Variants in HS6ST3 observed in about 807,000 individuals in gnomAD.
HS6ST3 encodes heparan sulfate 6-O-sulfotransferase 3.
A neutral mutation model predicts 36.7 loss-of-function variants in HS6ST3; 12 were observed. The observed-to-expected ratio is 0.33, with a 90% CI of 0.21 to 0.53. The LOEUF is 0.53. Among genes scored for constraint, HS6ST3 ranks in the 20% least tolerant of loss-of-function variants. The pLI, the probability that HS6ST3 is intolerant of heterozygous loss-of-function variation, is 0.95. For synonymous variants in HS6ST3, 240 were observed against 257.5 expected, an observed-to-expected ratio of 0.93 and a Z score of 0.65; for missense variants, 584 against 640.9, an observed-to-expected ratio of 0.91 and a Z score of 0.96.
chr13:96,508,180 G>A (rs1400697361), intron 1 of HS6ST3, among the ~76,000 whole-genome samples: 1 of 151,914 alleles, frequency 6.6e-6, no homozygotes, highest in Non-Finnish European at 1.5e-5. Context: ...AAATTTCGCA[G>A]GGTAATATTA....
chr13:96,639,267 A>G (rs1197881977), intron 1 of HS6ST3, among the ~76,000 whole-genome samples: 1 of 152,016 alleles, frequency 6.6e-6, no homozygotes, highest in African/African-American at 2.4e-5. Flanking sequence ...GGACACTTTT[A>G]TCAGTATAAA....
chr13:96,832,946 G>T lies in HS6ST3; in HGVS notation c.1164G>T (p.Glu388Asp), dbSNP rs1878839286. The change falls in exon 2 of 2, where the codon GAG (glutamate) becomes GAT (aspartate). Residue 388 changes from glutamate (E) to aspartate (D), a missense_variant. Physicochemically the swap from Glu to Asp is conservative, Grantham distance 45. This residue lies in a region of HS6ST3 where 360 missense variants were observed against 411.3 expected (regional missense o/e 0.88). Transcript: ENST00000376705. Reference sequence around the variant, plus strand: ...ACATCACGCGGGCTTCTAACGTGGAGATCAACGAGGGTGCCCGCCAACGCA... The same window carrying T: ...ACATCACGCGGGCTTCTAACGTGGATATCAACGAGGGTGCCCGCCAACGCA... Reference protein sequence around the residue: ...QFNITRASNVEINEGARQRIE... With the variant: ...QFNITRASNVDINEGARQRIE... 6 of 1,614,174 alleles carry T rather than the reference G, an allele frequency of 3.7e-6. No individual in the cohort carries two copies. Among genetic ancestry groups the T allele is most frequent in the Non-Finnish European group, 5.1e-6 (6 of 1,180,034 alleles).
intron 1 of HS6ST3, among the ~76,000 whole-genome samples, chr13:96,829,239 C>T (rs941518326): frequency 2.0e-5 from 3 of 152,042 alleles, no homozygotes; most frequent in Non-Finnish European, 4.4e-5. Flanking sequence ...ATAACATCAA[C>T]CTTTAAGAAG....
chr13:96,520,269 A>T (rs2138926400), intron 1 of HS6ST3, among the ~76,000 whole-genome samples: 1 of 152,316 alleles, frequency 6.6e-6, no homozygotes, highest in Middle Eastern at 3.4e-3. Context: ...CTTGTAGTAT[A>T]GTTAGAAGTC....
At chr13:96,153,665 C>G (rs776425300) in intron 1 of HS6ST3, among the ~76,000 whole-genome samples, 1 of 152,128 alleles carries the variant, frequency 6.6e-6, no homozygotes, top group Non-Finnish European at 1.5e-5. Flanking sequence ...TTTATATTAT[C>G]TACCTAAATG....
intron 1 of HS6ST3, among the ~76,000 whole-genome samples, chr13:96,527,883 G>C (rs1162860236): frequency 1.3e-5 from 2 of 152,056 alleles, no homozygotes; most frequent in Admixed American, 1.3e-4. Context: ...GTGTCTTCAG[G>C]GTCAAAGCTA....
intron 1 of HS6ST3, among the ~76,000 whole-genome samples, chr13:96,706,928 A>T (rs1303604493): frequency 6.6e-6 from 1 of 152,198 alleles, no homozygotes; most frequent in Admixed American, 6.5e-5. Flanking sequence ...CTGACTTTGC[A>T]TTAGAATAAT....
intron 1 of HS6ST3, among the ~76,000 whole-genome samples, chr13:96,158,981 G>GGAAGA (rs1211639246): frequency 6.6e-6 from 1 of 152,304 alleles, no homozygotes; most frequent in Non-Finnish European, 1.5e-5. Flanking sequence ...CTTTCGGCAG[G>GGAAGA]GAAGAGAAGA....
chr13:96,646,413 T>A (rs2056588757), intron 1 of HS6ST3, among the ~76,000 whole-genome samples: 1 of 152,044 alleles, frequency 6.6e-6, no homozygotes, highest in South Asian at 2.1e-4. Flanking sequence ...TGAATGTGAA[T>A]CATTCTTTCT....
chr13:96,746,637 T>A (rs1419444808), intron 1 of HS6ST3, among the ~76,000 whole-genome samples: 1 of 152,096 alleles, frequency 6.6e-6, no homozygotes, highest in Non-Finnish European at 1.5e-5. Context: ...TAATTATAAA[T>A]GTTTGAGTCA....
At chr13:96,272,792 G>A (rs1395613824) in intron 1 of HS6ST3, among the ~76,000 whole-genome samples, 3 of 151,826 alleles carry the variant, frequency 2.0e-5, no homozygotes, top group Non-Finnish European at 2.9e-5. Flanking sequence ...CCAGGTGAGT[G>A]AACCATACCT....
Position 96,350,326 on chromosome 13 carries a change from C to T in HS6ST3, c.707+258757C>T, listed in dbSNP as rs529249894. On this transcript the variant is annotated intron_variant, in intron 1 of 1. Coordinates refer to ENST00000376705, the MANE Select transcript of HS6ST3 (RefSeq NM_153456.4). ...CAGAAATAGCCAGCTTACATGTTAT[C>T]GTCATGGTCTGTACTCTTGCAAATC... Among the ~76,000 whole-genome samples, 21 of 152,304 alleles carry T rather than the reference C, an allele frequency of 1.4e-4. No homozygotes were observed. The South Asian group carries it at 3.7e-3, about 27-fold the overall frequency.
At chr13:96,109,637 G>A (rs765134559) in intron 1 of HS6ST3, among the ~76,000 whole-genome samples, 1 of 152,128 alleles carries the variant, frequency 6.6e-6, no homozygotes, top group Non-Finnish European at 1.5e-5. Context: ...AAAATAAGTT[G>A]CACTGGTGTT....
intron 1 of HS6ST3, among the ~76,000 whole-genome samples, chr13:96,383,514 A>G (rs1208119836): frequency 6.6e-6 from 1 of 152,194 alleles, no homozygotes; most frequent in East Asian, 1.9e-4. Flanking sequence ...ATGAGAATCT[A>G]TCCTGAGGGA....
chr13:96,820,823 G>A (rs780346218), intron 1 of HS6ST3, among the ~76,000 whole-genome samples: 2 of 152,198 alleles, frequency 1.3e-5, no homozygotes, highest in Non-Finnish European at 2.9e-5. Context: ...CTGAATACAG[G>A]CTTTGGGACA....
intron 1 of HS6ST3, among the ~76,000 whole-genome samples, chr13:96,716,787 G>A (rs1875707531): frequency 6.6e-6 from 1 of 152,012 alleles, no homozygotes; most frequent in Non-Finnish European, 1.5e-5. Context: ...GTGGTTTTCA[G>A]ACTTTTAAAA....
intron 1 of HS6ST3, among the ~76,000 whole-genome samples, chr13:96,254,800 A>G (rs1393909353): frequency 6.6e-6 from 1 of 152,024 alleles, no homozygotes; most frequent in East Asian, 1.9e-4. Flanking sequence ...TTTTGCCTAA[A>G]AGGAAAAATT....
intron 1 of HS6ST3, among the ~76,000 whole-genome samples, chr13:96,797,087 C>T (rs906375768): frequency 4.6e-5 from 7 of 152,090 alleles, no homozygotes; most frequent in African/African-American, 1.7e-4. Context: ...GGAAGACACT[C>T]AGAGAAAGAG....
rs530317070 is a variant in HS6ST3 at position 96,696,427 on chromosome 13, G to A, written c.708-136063G>A. On this transcript the variant is annotated intron_variant, in intron 1 of 1. Transcript: ENST00000376705. ...TAACTGGGAACTGTGGCCTGGCCAA[G>A]TTGACACTTAAGACTGACCATCGCA... Among the ~76,000 whole-genome samples, 3 of 152,214 alleles carry A rather than the reference G, an allele frequency of 2.0e-5. No individual in the cohort carries two copies. The East Asian group carries it at 5.8e-4, about 29-fold the overall frequency.
Sources: allele counts gnomAD v4.1 joint callset (sites outside exome capture counted in the v4.1 genomes callset), GRCh38; gene constraint gnomAD v4.1.1; regional missense constraint gnomAD v4.1.1; transcripts MANE v1.5; gene names NCBI Gene and HGNC (gene_info 2026-07-23, HGNC 2026-07-21).